SMIM38: variants seen among roughly 807,000 people sequenced by gnomAD.
SMIM38 encodes the protein small integral membrane protein 38.
At chr11:69,156,978 G>A (rs1170845629) in intron 1 of SMIM38, among the ~76,000 whole-genome samples, 196 bp from the exon 2 acceptor site, 3 of 152,214 alleles carry the variant, frequency 2.0e-5, no homozygotes, top group Non-Finnish European at 4.4e-5. Flanking sequence ...TTGGAGGGGC[G>A]AGCTGGAGGG....
chr11:69,157,283 C>A lies in SMIM38; in HGVS notation c.-564C>A, dbSNP rs1382321017. ...GACCGTGGGCCGGCGCTGGACGGCGCGGCCTCCAGAAGTGATAGCTAATTG... is the reference window on the plus strand; with the variant it reads ...GACCGTGGGCCGGCGCTGGACGGCGAGGCCTCCAGAAGTGATAGCTAATTG... On this transcript the variant is annotated 5_prime_UTR_variant, in exon 2 of 3. Coordinates refer to ENST00000686237, the MANE Select transcript of SMIM38 (RefSeq NM_001369201.2). 1.3e-5 allele frequency: 2 copies of A among 152,364 alleles called. No homozygotes were observed. The highest frequency in any genetic ancestry group is 2.4e-5 in the African/African-American group (1 of 41,460). 9.4% of individuals were successfully genotyped at this position (152,364 alleles called of 1,614,324 possible).
chr11:69,157,766 G>T lies in SMIM38; in HGVS notation c.-81G>T, dbSNP rs1788206459. Reference sequence around the variant, plus strand: ...GTCTGCACAGCAGCCACTTGGCAGTGCCGGGCTAGGGTGGCAGGGCCCCAC... The same window carrying T: ...GTCTGCACAGCAGCCACTTGGCAGTTCCGGGCTAGGGTGGCAGGGCCCCAC... On this transcript the variant is annotated 5_prime_UTR_variant, in exon 2 of 3. Coordinates refer to ENST00000686237, the MANE Select transcript of SMIM38 (RefSeq NM_001369201.2). The T allele has an allele frequency of 1.5e-5, 6 of 398,154 alleles. 1 individual carries two copies. In the South Asian group the frequency reaches 5.2e-4, roughly 35 times the overall value. The allele number at this position is 398,154 out of a possible 1,614,324, so 24.7% of individuals were successfully genotyped here.
At position 69,156,859 on chromosome 11, in the gene SMIM38, G is replaced by A. The variant is rs1856992756; in HGVS notation, c.-673-315G>A. 2.0e-5 allele frequency among the ~76,000 whole-genome samples: 3 copies of A among 152,198 alleles called. No individual in the cohort carries two copies. The South Asian group carries it at 6.2e-4, about 31-fold the overall frequency. On this transcript the variant is annotated intron_variant, in intron 1 of 2. Transcript: ENST00000686237. ...CCCGAGGTCACTCAGCTAGTAGAAG[G>A]CAGGACTGGCCTCCGGTCCAGGGTG...
In SMIM38 at chr11:69,159,808, G is replaced by A. The variant is rs900669383; in HGVS notation, c.*1712G>A. On this transcript the variant is annotated 3_prime_UTR_variant, in exon 3 of 3. Coordinates refer to ENST00000686237, the MANE Select transcript of SMIM38 (RefSeq NM_001369201.2). Reference sequence around the variant, plus strand: ...GAGGGATATTCTCATTGATCTCTAAGGAAAATATTGTTCGCTTTTTAAAAA... The same window carrying A: ...GAGGGATATTCTCATTGATCTCTAAAGAAAATATTGTTCGCTTTTTAAAAA... 2.0e-5 allele frequency: 3 copies of A among 152,134 alleles called. No homozygotes were observed. The highest frequency in any genetic ancestry group is 7.2e-5 in the African/African-American group (3 of 41,412). The allele number at this position is 152,134 out of a possible 1,614,324, so 9.4% of individuals were successfully genotyped here.
chr11:69,160,000 A>T lies in SMIM38; in HGVS notation c.*1904A>T, dbSNP rs146612811. ...CCTGGAAAACCCCTCAGTCCTGGGC[A>T]AACCAGGTCACGCTGGATAGAAGGA... On this transcript the variant is annotated 3_prime_UTR_variant, in exon 3 of 3. Transcript: ENST00000686237. 34 of 152,310 alleles carry T rather than the reference A, an allele frequency of 2.2e-4. No individual in the cohort carries two copies. The East Asian group carries it at 6.4e-3, about 29-fold the overall frequency. 9.4% of individuals were successfully genotyped at this position (152,310 alleles called of 1,614,324 possible). A position where few individuals can be genotyped will look rare whatever the true frequency, so the allele number is the denominator to read the frequency against.
Position 69,160,726 on chromosome 11 carries a change from C to T in SMIM38, c.*2630C>T, listed in dbSNP as rs1471813581. The T allele has an allele frequency of 6.6e-6, 1 of 152,230 alleles. No individual in the cohort carries two copies. The highest frequency in any genetic ancestry group is 1.5e-5 in the Non-Finnish European group (1 of 68,050). The allele number at this position is 152,230 out of a possible 1,614,324, so 9.4% of individuals were successfully genotyped here. A position where few individuals can be genotyped will look rare whatever the true frequency, so the allele number is the denominator to read the frequency against. ...GGTTTCTGTTCCTGGAAAATGGACA[C>T]AATTCTGATGAATTCATGTATTCTG... On this transcript the variant is annotated 3_prime_UTR_variant, in exon 3 of 3. Coordinates refer to ENST00000686237, the MANE Select transcript of SMIM38 (RefSeq NM_001369201.2).
rs945198470 is a variant in SMIM38, at chr11:69,159,703, C to G, written c.*1607C>G. 6.6e-6 allele frequency: 1 copy of G among 152,232 alleles called. No homozygotes were observed. Among genetic ancestry groups the G allele is most frequent in the African/African-American group, 2.4e-5 (1 of 41,450 alleles). The allele number at this position is 152,232 out of a possible 1,614,324, so 9.4% of individuals were successfully genotyped here. On this transcript the variant is annotated 3_prime_UTR_variant, in exon 3 of 3. Coordinates refer to ENST00000686237, the MANE Select transcript of SMIM38 (RefSeq NM_001369201.2). The stretch of plus-strand genomic sequence containing the variant: ...CAGCAGAACTCTATGGTCACTCCCC[C>G]GTGTCACGGACAATTTGCCACCTCC...
chr11:69,159,790 A>G lies in SMIM38; in HGVS notation c.*1694A>G, dbSNP rs762338061. Reference sequence around the variant, plus strand: ...TGATCGTAGGATTGTGGGGAGGGATATTCTCATTGATCTCTAAGGAAAATA... The same window carrying G: ...TGATCGTAGGATTGTGGGGAGGGATGTTCTCATTGATCTCTAAGGAAAATA... On this transcript the variant is annotated 3_prime_UTR_variant, in exon 3 of 3. Transcript: ENST00000686237. The G allele has an allele frequency of 1.3e-5, 2 of 152,140 alleles. No individual in the cohort carries two copies. The highest frequency in any genetic ancestry group is 6.5e-5 in the Admixed American group (1 of 15,274). 9.4% of individuals were successfully genotyped at this position (152,140 alleles called of 1,614,324 possible).
In SMIM38 at chr11:69,157,745, G is replaced by T. The variant is rs1444871277; in HGVS notation, c.-102G>T. The T allele has an allele frequency of 1.8e-5, 7 of 397,446 alleles. No homozygotes were observed. The East Asian group carries it at 2.5e-4, about 14-fold the overall frequency. The allele number at this position is 397,446 out of a possible 1,614,324, so 24.6% of individuals were successfully genotyped here. ...GGACGGAGCTTCCTGTCCTGGGTCT[G>T]CACAGCAGCCACTTGGCAGTGCCGG... is the stretch of plus-strand genomic sequence containing the variant. On this transcript the variant is annotated 5_prime_UTR_variant, in exon 2 of 3. Transcript: ENST00000686237.
chr11:69,156,605 T>TGC (rs1856990340), intron 1 of SMIM38, among the ~76,000 whole-genome samples: 1 of 151,784 alleles, frequency 6.6e-6, no homozygotes, highest in Admixed American at 6.6e-5. Flanking sequence ...TGTGTGTGTG[T>TGC]GTGTGCGCGC....
At position 69,160,699 on chromosome 11, in the gene SMIM38, T is replaced by C. The variant is rs1228750376; in HGVS notation, c.*2603T>C. 3.9e-5 allele frequency: 6 copies of C among 152,266 alleles called. No homozygotes were observed. Among genetic ancestry groups the C allele is most frequent in the Non-Finnish European group, 8.8e-5 (6 of 68,060 alleles). 9.4% of individuals were successfully genotyped at this position (152,266 alleles called of 1,614,324 possible). A position where few individuals can be genotyped will look rare whatever the true frequency, so the allele number is the denominator to read the frequency against. On this transcript the variant is annotated 3_prime_UTR_variant, in exon 3 of 3. Transcript: ENST00000686237. ...TTTTCTTTTTCTTAAGTCTGTTTCATTGGTTTCTGTTCCTGGAAAATGGAC... is the reference window on the plus strand; with the variant it reads ...TTTTCTTTTTCTTAAGTCTGTTTCACTGGTTTCTGTTCCTGGAAAATGGAC...
Position 69,157,506 on chromosome 11 carries a change from A to G in SMIM38, c.-341A>G. ...GGCCTCCCGCCCCCCAGGCCCCTGG[A>G]CAATGCTGTCATTGTCAGCACGGAG... On this transcript the variant is annotated 5_prime_UTR_variant, in exon 2 of 3. Coordinates refer to ENST00000686237, the MANE Select transcript of SMIM38 (RefSeq NM_001369201.2). 5.0e-6 allele frequency: 1 copy of G among 199,584 alleles called. No homozygotes were observed. Among genetic ancestry groups the G allele is most frequent in the Non-Finnish European group, 1.0e-5 (1 of 99,780 alleles). The allele number at this position is 199,584 out of a possible 1,614,324, so 12.4% of individuals were successfully genotyped here. A position where few individuals can be genotyped will look rare whatever the true frequency, so the allele number is the denominator to read the frequency against.
At position 69,159,932 on chromosome 11, in the gene SMIM38, G is replaced by A. The variant is rs1286201266; in HGVS notation, c.*1836G>A. 6.6e-6 allele frequency: 1 copy of A among 152,218 alleles called. No homozygotes were observed. Among genetic ancestry groups the A allele is most frequent in the South Asian group, 2.1e-4 (1 of 4,832 alleles). The allele number at this position is 152,218 out of a possible 1,614,324, so 9.4% of individuals were successfully genotyped here. A position where few individuals can be genotyped will look rare whatever the true frequency, so the allele number is the denominator to read the frequency against. On this transcript the variant is annotated 3_prime_UTR_variant, in exon 3 of 3. Coordinates refer to ENST00000686237, the MANE Select transcript of SMIM38 (RefSeq NM_001369201.2). ...GAGCTAGGAGGGCCAGCTGTTCCGG[G>A]TTGCCCAGGGCTGTCTTGTTTTTAA...
In SMIM38 at chr11:69,157,645, A is replaced by C. The variant is rs1043943495; in HGVS notation, c.-202A>C. On this transcript the variant is annotated 5_prime_UTR_variant, in exon 2 of 3. Transcript: ENST00000686237. ...GGCCCCGGGCTGGAGTCTGGCGGGC[A>C]GATCTGGCCTGCTTGGTGGCACCAG... 2.5e-6 allele frequency: 1 copy of C among 394,152 alleles called. No individual in the cohort carries two copies. The highest frequency in any genetic ancestry group is 2.1e-5 in the African/African-American group (1 of 48,544). 24.4% of individuals were successfully genotyped at this position (394,152 alleles called of 1,614,324 possible).
At position 69,158,365 on chromosome 11, in the gene SMIM38, G is replaced by A. The variant is rs1021557401; in HGVS notation, c.*363G>A. On this transcript the variant is annotated 3_prime_UTR_variant, in exon 2 of 3. Coordinates refer to ENST00000686237, the MANE Select transcript of SMIM38 (RefSeq NM_001369201.2). ...GGTAAGCCAGAGGACTCAGGTGGAG[G>A]TGCCACAGAGACAAATGTGACCTCA... The A allele has an allele frequency of 5.3e-5, 9 of 170,462 alleles. No homozygotes were observed. Among genetic ancestry groups the A allele is most frequent in the Admixed American group, 2.5e-4 (4 of 15,772 alleles). 10.6% of individuals were successfully genotyped at this position (170,462 alleles called of 1,614,324 possible). A position where few individuals can be genotyped will look rare whatever the true frequency, so the allele number is the denominator to read the frequency against.
intron 2 of SMIM38, 31 bp downstream of exon 2, chr11:69,159,382 T>C (rs1452203343): frequency 1.3e-5 from 2 of 151,956 alleles, no homozygotes; most frequent in Non-Finnish European, 1.5e-5. Flanking sequence ...TATCACTGTT[T>C]CTGCGGCACC....
In SMIM38 at chr11:69,157,950, A is replaced by G. The variant is rs751668247; in HGVS notation, c.104A>G (p.Tyr35Cys). 2.8e-5 allele frequency: 11 copies of G among 398,910 alleles called. No individual in the cohort carries two copies. Among genetic ancestry groups the G allele is most frequent in the Non-Finnish European group, 4.9e-5 (11 of 226,468 alleles). The allele number at this position is 398,910 out of a possible 1,614,324, so 24.7% of individuals were successfully genotyped here. A position where few individuals can be genotyped will look rare whatever the true frequency, so the allele number is the denominator to read the frequency against. ...RLILWSCLGT[Y>C]IDYRLAQRRP... is the part of the protein sequence containing the mutation. ...ATCCTGTGGTCCTGCCTCGGGACCT[A>G]CATCGACTACAGACTGGCCCAGCGG... The change falls in exon 2 of 3, where the codon TAC becomes TGC. Residue 35 changes from tyrosine to cysteine, a missense_variant. Physicochemically the swap from Tyr to Cys is radical, Grantham distance 194. Transcript: ENST00000686237.
Position 69,158,747 on chromosome 11 carries a change from G to T in SMIM38, c.*745G>T, listed in dbSNP as rs1857021788. The T allele has an allele frequency of 1.3e-5, 2 of 152,450 alleles. No individual in the cohort carries two copies. The highest frequency in any genetic ancestry group is 1.3e-4 in the Admixed American group (2 of 15,290). 9.4% of individuals were successfully genotyped at this position (152,450 alleles called of 1,614,324 possible). A position where few individuals can be genotyped will look rare whatever the true frequency, so the allele number is the denominator to read the frequency against. On this transcript the variant is annotated 3_prime_UTR_variant, in exon 2 of 3. Coordinates refer to ENST00000686237, the MANE Select transcript of SMIM38 (RefSeq NM_001369201.2). ...TCCTGCAAGTGTGTGGCTGGGAAGTGCCCAGGAAGGCTGACAGGGCAGGGA... is the reference window on the plus strand; with the variant it reads ...TCCTGCAAGTGTGTGGCTGGGAAGTTCCCAGGAAGGCTGACAGGGCAGGGA...
chr11:69,158,247 TC>T lies in SMIM38; in HGVS notation c.*249del. ...GCAGGTCCATCACCAGGTTCTGGGG[TC>T]CCCGGTTGCAGGGAGTGGTCCTGGG... On this transcript the variant is annotated 3_prime_UTR_variant, in exon 2 of 3. Coordinates refer to ENST00000686237, the MANE Select transcript of SMIM38 (RefSeq NM_001369201.2). 2.8e-6 allele frequency: 1 copy of T among 360,758 alleles called. No homozygotes were observed. Among genetic ancestry groups the T allele is most frequent in the Non-Finnish European group, 4.9e-6 (1 of 202,476 alleles). 22.3% of individuals were successfully genotyped at this position (360,758 alleles called of 1,614,324 possible).
Sources: gnomAD v4.1 joint callset for allele counts (sites outside exome capture counted in the v4.1 genomes callset) on GRCh38, gnomAD v4.1.1 for gene constraint, MANE v1.5 for transcripts, NCBI Gene and HGNC (gene_info 2026-07-23, HGNC 2026-07-21) for gene names.